Variants in LOXHD1 observed in about 807,000 individuals in gnomAD.
LOXHD1 encodes lipoxygenase homology PLAT domains 1, also known as lipoxygenase homology domain-containing protein 1.
A neutral mutation model predicts 248.2 loss-of-function variants in LOXHD1; 205 were observed. The ratio of observed to expected loss-of-function variants is 0.83; its 90% CI spans 0.74 to 0.93. The LOEUF (loss-of-function observed/expected upper bound fraction) is 0.93, where lower values mean the gene tolerates loss of function less well. Ranked by LOEUF, LOXHD1 falls within the 40% of genes least tolerant of loss-of-function variation. The pLI, the probability that LOXHD1 is intolerant of heterozygous loss-of-function variation, is 0.00. For synonymous variants in LOXHD1, 1,113 were observed against 1,162.8 expected (o/e 0.96, Z 0.87); for missense variants, 2,930 against 2,971.6 (o/e 0.99, Z 0.33).
intron 37 of LOXHD1, among the ~76,000 whole-genome samples, chr18:46,502,600 A>G (rs1268808686): frequency 6.6e-6 from 1 of 152,166 alleles, no homozygotes; most frequent in African/African-American, 2.4e-5. Context: ...CAGAGTTGAG[A>G]GAAGCCAGAG....
At chr18:46,560,599 CCCCAACACCCCCG>C in intron 18 of LOXHD1, 54 bp from the exon 19 acceptor site, 1 of 1,437,768 alleles carries the variant, frequency 7.0e-7, no homozygotes, top group Non-Finnish European at 9.2e-7. Context: ...TCCCCAACGC[CCCCAACACCCCCG>C]CCCAACAAAG....
chr18:46,491,542 A>G (rs2033476576), intron 37 of LOXHD1, among the ~76,000 whole-genome samples: 1 of 152,214 alleles, frequency 6.6e-6, no homozygotes, highest in African/African-American at 2.4e-5. Context: ...AGCAATAGGA[A>G]ATCAATGGGA....
Position 46,477,918 on chromosome 18 carries a change from T to G in LOXHD1, c.6376A>C (p.Lys2126Gln). 6.4e-7 allele frequency: 1 copy of G among 1,550,668 alleles called. No homozygotes were observed. Residue 2126 changes from lysine to glutamine, a missense_variant, in exon 41 of 41, where the codon AAG becomes CAG. Coordinates refer to ENST00000642948, the MANE Select transcript of LOXHD1 (RefSeq NM_001384474.1). ...ACCTTGAAGTACTTCCTCTTCCTCT[T>G]GAGGGGGATGAGGCAGTCACAGTTA... ...FFNCDCLIPLKRKRKYFKVFE... is the reference protein window; with the variant it reads ...FFNCDCLIPLQRKRKYFKVFE...
chr18:46,631,102 G>A (rs1028789119), intron 4 of LOXHD1, among the ~76,000 whole-genome samples: 1 of 151,970 alleles, frequency 6.6e-6, no homozygotes, highest in African/African-American at 2.4e-5. Context: ...CCTTACCAAC[G>A]TTCATACAAG....
intron 16 of LOXHD1, among the ~76,000 whole-genome samples, chr18:46,568,135 A>T (rs1456500452): frequency 6.6e-6 from 1 of 152,142 alleles, no homozygotes; most frequent in Admixed American, 6.5e-5. Flanking sequence ...TTGATGGGAG[A>T]AGAGATTCCT....
chr18:46,602,201 TTTTA>T (rs1365596249), intron 7 of LOXHD1, among the ~76,000 whole-genome samples: 1 of 152,150 alleles, frequency 6.6e-6, no homozygotes, highest in Non-Finnish European at 1.5e-5. Flanking sequence ...GATTTTTTTA[TTTTA>T]TTTATTTTTT....
chr18:46,494,760 T>A (rs1451113604), intron 37 of LOXHD1, among the ~76,000 whole-genome samples: 5 of 152,004 alleles, frequency 3.3e-5, no homozygotes, highest in African/African-American at 1.2e-4. Context: ...GGTTCAAAAG[T>A]CACTGTGGTT....
intron 19 of LOXHD1, 35 bp downstream of exon 19, chr18:46,560,048 T>TGCCTGGCCCCC: frequency 3.8e-5 from 46 of 1,226,282 alleles, no homozygotes; most frequent in Non-Finnish European, 4.6e-5. Context: ...GTCTGGCCAC[T>TGCCTGGCCCCC]CCCTCCCCAC....
At chr18:46,656,372 A>C (rs551634030) in intron 1 of LOXHD1, among the ~76,000 whole-genome samples, 17 of 152,320 alleles carry the variant, frequency 1.1e-4, no homozygotes, top group African/African-American at 3.6e-4. Context: ...GGCCCAGGGA[A>C]AGATGAGACT....
rs1422451484 is a variant in LOXHD1, at chr18:46,477,871, T to C, written c.6423A>G (p.Thr2141=). The change falls in exon 41 of 41, where the codon ACA becomes ACG. Residue 2141 remains threonine, a synonymous_variant. Transcript: ENST00000642948. Reference sequence around the variant, plus strand: ...TCTGGACCTTGCTGGCAAAGCTCTCTGTCGTCTTGGTAACCTCGAATACCT... The same window carrying C: ...TCTGGACCTTGCTGGCAAAGCTCTCCGTCGTCTTGGTAACCTCGAATACCT... ...YFKVFEVTKT[T]ESFASKVQSL... 2 of 1,551,826 alleles carry C rather than the reference T, an allele frequency of 1.3e-6. No homozygotes were observed. Among genetic ancestry groups the C allele is most frequent in the Non-Finnish European group, 1.7e-6 (2 of 1,147,020 alleles).
intron 4 of LOXHD1, among the ~76,000 whole-genome samples, chr18:46,626,973 A>G (rs2038751441): frequency 6.6e-6 from 1 of 152,262 alleles, no homozygotes; most frequent in African/African-American, 2.4e-5. Context: ...TAAGTGCTGC[A>G]TAAAAATCAG....
intron 39 of LOXHD1, among the ~76,000 whole-genome samples, 184 bp from the exon 40 acceptor site, chr18:46,483,929 G>A (rs1010980847): frequency 4.6e-5 from 7 of 152,108 alleles, no homozygotes; most frequent in African/African-American, 1.4e-4. Flanking sequence ...AGACAATCAC[G>A]ATGAAAAAGC....
chr18:46,600,940 A>G (rs2038327218), intron 8 of LOXHD1, among the ~76,000 whole-genome samples: 1 of 152,200 alleles, frequency 6.6e-6, no homozygotes, highest in South Asian at 2.1e-4. Flanking sequence ...GTGAAACACT[A>G]CACCAGGAAT....
At chr18:46,545,477 A>T in intron 22 of LOXHD1, 56 bp from the exon 23 acceptor site, 5 of 1,362,104 alleles carry the variant, frequency 3.7e-6, no homozygotes, top group Non-Finnish European at 5.1e-6. Context: ...TCATGAAAGG[A>T]GGAAAGAGGA....
chr18:46,557,828 G>A, intron 20 of LOXHD1: 6 of 1,276,266 alleles, frequency 4.7e-6, no homozygotes, highest in Non-Finnish European at 6.1e-6. Context: ...AAGAGAGGGG[G>A]GTGCACTGAA....
chr18:46,580,103 G>T lies in LOXHD1; in HGVS notation c.1655-319C>A, dbSNP rs193084588. ...TCTGGGAAACTTTTATAAGAATTCA[G>T]ATTCCTGAGCCCTGCTTCAGGTTTC... On this transcript the variant is annotated intron_variant, in intron 12 of 40. Coordinates refer to ENST00000642948, the MANE Select transcript of LOXHD1 (RefSeq NM_001384474.1). Among the ~76,000 whole-genome samples the T allele has an allele frequency of 2.7e-3, 414 of 152,310 alleles. 3 individuals are homozygous for T. The highest frequency in any genetic ancestry group is 9.4e-3 in the African/African-American group (392 of 41,564).
At chr18:46,514,034 C>T (rs1021592568) in intron 34 of LOXHD1, among the ~76,000 whole-genome samples, 4 of 152,202 alleles carry the variant, frequency 2.6e-5, no homozygotes, top group Non-Finnish European at 5.9e-5. Flanking sequence ...TTAGGGACCA[C>T]TGGGAAAGCT....
At chr18:46,654,536 A>G (rs1178010268) in intron 1 of LOXHD1, among the ~76,000 whole-genome samples, 1 of 152,182 alleles carries the variant, frequency 6.6e-6, no homozygotes, top group Non-Finnish European at 1.5e-5. Context: ...CTGCCCTCAA[A>G]GCATTGAGGG....
chr18:46,548,994 A>G (rs535617793), intron 21 of LOXHD1, among the ~76,000 whole-genome samples: 1 of 152,344 alleles, frequency 6.6e-6, no homozygotes, highest in African/African-American at 2.4e-5. Context: ...GAACCAAAGC[A>G]GGAGTCAGGT....
Sources: gnomAD v4.1 joint callset for allele counts (sites outside exome capture counted in the v4.1 genomes callset) on GRCh38, gnomAD v4.1.1 for gene constraint, MANE v1.5 for transcripts, NCBI Gene and HGNC (gene_info 2026-07-23, HGNC 2026-07-21) for gene names.